MTA3: variants seen among roughly 807,000 people sequenced by gnomAD.
MTA3 encodes the protein metastasis associated 1 family member 3.
A neutral mutation model predicts 83.5 loss-of-function variants in MTA3; 34 were observed. The observed-to-expected ratio is 0.41, with a 90% CI of 0.31 to 0.54. MTA3 has a LOEUF of 0.54. MTA3 is among the 20% of genes least tolerant of loss of function. The pLI, the probability that MTA3 is intolerant of heterozygous loss-of-function variation, is 0.33. For missense variants in MTA3, 761 were observed against 726.4 expected (o/e 1.05, Z -0.55); for synonymous variants, 303 against 252.7 (o/e 1.20, Z -1.89).
intron 16 of MTA3, among the ~76,000 whole-genome samples, chr2:42,727,605 G>T (rs754405837): frequency 9.9e-5 from 15 of 151,860 alleles, no homozygotes; most frequent in Admixed American, 8.5e-4. Flanking sequence ...CTGTGCCATG[G>T]GGGGAAAAAG....
intron 15 of MTA3, 58 bp from the exon 16 acceptor site, chr2:42,722,831 A>G: frequency 6.5e-7 from 1 of 1,537,604 alleles, no homozygotes; most frequent in Non-Finnish European, 8.8e-7. Flanking sequence ...GCCAATGTAA[A>G]TGCACACAGA....
Position 42,639,355 on chromosome 2 carries a change from C to T in MTA3, c.318-818C>T, listed in dbSNP as rs1224949120. Among the ~76,000 whole-genome samples the T allele has an allele frequency of 2.0e-5, 3 of 152,106 alleles. No individual in the cohort carries two copies. The East Asian group carries it at 5.8e-4, about 29-fold the overall frequency. On this transcript the variant is annotated intron_variant, in intron 4 of 16. Coordinates refer to ENST00000405094, the MANE Select transcript of MTA3 (RefSeq NM_001330442.2). ...ATTTTAAAGAAACATTGTGTGAGCC[C>T]TGACCAGTATTTGTAACTTGAATAA...
intron 14 of MTA3, among the ~76,000 whole-genome samples, chr2:42,714,420 C>G (rs1353586251): frequency 6.6e-6 from 1 of 151,808 alleles, no homozygotes. Flanking sequence ...TTTGTGGCTT[C>G]TTTAAAAATA....
intron 3 of MTA3, among the ~76,000 whole-genome samples, chr2:42,587,169 G>A (rs1680436810): frequency 6.6e-6 from 1 of 151,846 alleles, no homozygotes; most frequent in African/African-American, 2.4e-5. Flanking sequence ...CTCCAGCCTG[G>A]GTGACACAGT....
At chr2:42,578,800 G>A (rs1679315310) in intron 2 of MTA3, among the ~76,000 whole-genome samples, 1 of 152,110 alleles carries the variant, frequency 6.6e-6, no homozygotes, top group African/African-American at 2.4e-5. Flanking sequence ...TGAAGCAGTT[G>A]GGGGATTAGT....
intron 2 of MTA3, among the ~76,000 whole-genome samples, chr2:42,517,353 C>T (rs566055163): frequency 1.1e-3 from 163 of 152,122 alleles, no homozygotes; most frequent in African/African-American, 3.9e-3. Flanking sequence ...AGGTGCATCA[C>T]CTGAGGTCAG....
At chr2:42,675,161 A>C (rs1691224337) in intron 8 of MTA3, among the ~76,000 whole-genome samples, 1 of 151,268 alleles carries the variant, frequency 6.6e-6, no homozygotes, top group East Asian at 2.0e-4. Context: ...TTTTGAGACG[A>C]GGTCTCACTC....
At chr2:42,674,832 C>A (rs983716287) in intron 8 of MTA3, among the ~76,000 whole-genome samples, 1 of 151,524 alleles carries the variant, frequency 6.6e-6, no homozygotes, top group Non-Finnish European at 1.5e-5. Flanking sequence ...CTCTTGACCT[C>A]GTGATGATCT....
intron 4 of MTA3, among the ~76,000 whole-genome samples, chr2:42,613,331 GT>G (rs1684453408): frequency 6.6e-6 from 1 of 152,044 alleles, no homozygotes; most frequent in African/African-American, 2.4e-5. Context: ...GGGGCTTTTT[GT>G]TTTTTTCCAA....
intron 3 of MTA3, among the ~76,000 whole-genome samples, chr2:42,604,288 C>CTCAGGTGATCCA: frequency 6.6e-6 from 1 of 152,200 alleles, no homozygotes; most frequent in Non-Finnish European, 1.5e-5. Context: ...GGTGATCCAC[C>CTCAGGTGATCCA]CGCCTCGGCC....
intron 2 of MTA3, among the ~76,000 whole-genome samples, chr2:42,574,876 T>C (rs779521779): frequency 9.9e-5 from 15 of 152,218 alleles, no homozygotes; most frequent in Non-Finnish European, 1.6e-4. Context: ...ATTTAGTCTT[T>C]GAGACCACCA....
chr2:42,653,739 A>T (rs1039702136), intron 6 of MTA3, among the ~76,000 whole-genome samples: 1 of 152,236 alleles, frequency 6.6e-6, no homozygotes, highest in Non-Finnish European at 1.5e-5. Flanking sequence ...TGCAGACTGT[A>T]TGGGTGGAAT....
chr2:42,602,822 G>A (rs932733594), intron 3 of MTA3, among the ~76,000 whole-genome samples: 2 of 152,192 alleles, frequency 1.3e-5, no homozygotes, highest in South Asian at 4.1e-4. Flanking sequence ...ATCCAGAGGA[G>A]TGTTCTCTAA....
intron 2 of MTA3, among the ~76,000 whole-genome samples, chr2:42,496,634 T>G (rs1271490009): frequency 7.1e-6 from 1 of 140,914 alleles, no homozygotes. Flanking sequence ...AAAAAGCAAA[T>G]TACTCCCATT....
chr2:42,539,042 G>C (rs2103742269), intron 2 of MTA3, among the ~76,000 whole-genome samples: 1 of 152,056 alleles, frequency 6.6e-6, no homozygotes, highest in African/African-American at 2.4e-5. Flanking sequence ...CCAAAGTGCT[G>C]GGATTACAGG....
intron 4 of MTA3, among the ~76,000 whole-genome samples, chr2:42,622,361 G>C (rs1338963066): frequency 6.9e-6 from 1 of 145,292 alleles, no homozygotes; most frequent in African/African-American, 2.5e-5. Flanking sequence ...CAGCAGTACC[G>C]TCCAGCTTCG....
At chr2:42,663,005 C>T (rs768421071) in intron 8 of MTA3, among the ~76,000 whole-genome samples, 2 of 152,078 alleles carry the variant, frequency 1.3e-5, no homozygotes, top group Non-Finnish European at 2.9e-5. Flanking sequence ...GCTGGGATTA[C>T]AGGTGTGAGC....
At chr2:42,495,320 T>A (rs373708370) in intron 2 of MTA3, 25 of 152,466 alleles carry the variant, frequency 1.6e-4, no homozygotes, top group African/African-American at 5.8e-4. Context: ...TCTCTGTGAG[T>A]TGTTTATCCC....
chr2:42,754,595 G>C lies in MTA3; in HGVS notation c.*1196G>C. The C allele has an allele frequency of 1.0e-6, 1 of 985,502 alleles. No homozygotes were observed. Among genetic ancestry groups the C allele is most frequent in the Non-Finnish European group, 1.2e-6 (1 of 829,978 alleles). The allele number at this position is 985,502 out of a possible 1,614,324, so 61.0% of individuals were successfully genotyped here. A position where few individuals can be genotyped will look rare whatever the true frequency, so the allele number is the denominator to read the frequency against. Reference sequence around the variant, plus strand: ...CAGCGCCCGATGAGCTCCCTGAGCAGATGTGAGGCTGGCAACTCCCCTGCC... The same window carrying C: ...CAGCGCCCGATGAGCTCCCTGAGCACATGTGAGGCTGGCAACTCCCCTGCC... On this transcript the variant is annotated 3_prime_UTR_variant, in exon 17 of 17. Coordinates refer to ENST00000405094, the MANE Select transcript of MTA3 (RefSeq NM_001330442.2).
Sources: gnomAD v4.1 joint callset for allele counts (sites outside exome capture counted in the v4.1 genomes callset) on GRCh38, gnomAD v4.1.1 for gene constraint, MANE v1.5 for transcripts, NCBI Gene and HGNC (gene_info 2026-07-23, HGNC 2026-07-21) for gene names.